The following SPAG16 variants were observed in gnomAD, a reference collection of about 807,000 sequenced individuals.
SPAG16 encodes the protein sperm-associated antigen 16 protein.
In SPAG16, 86 loss-of-function variants were observed where a neutral mutation model predicts 80.4. The observed-to-expected ratio is 1.07, with a 90% CI of 0.90 to 1.28. The LOEUF (loss-of-function observed/expected upper bound fraction) is 1.28, where lower values mean the gene tolerates loss of function less well. Ranked by LOEUF, SPAG16 falls within the 50% of genes most tolerant of loss-of-function variation. The pLI is 0.00. For synonymous variants in SPAG16, 294 were observed against 265.9 expected (o/e 1.11, Z -1.03); for missense variants, 870 against 765.3 (o/e 1.14, Z -1.61).
chr2:214,019,104 G>C (rs780208639), intron 13 of SPAG16, among the ~76,000 whole-genome samples: 2 of 152,106 alleles, frequency 1.3e-5, no homozygotes, highest in Non-Finnish European at 2.9e-5. Flanking sequence ...TGAAAGATAA[G>C]ATTGCTTTAT....
chr2:214,137,806 A>G (rs1183778352), intron 14 of SPAG16, among the ~76,000 whole-genome samples: 1 of 10,094 alleles, frequency 9.9e-5, no homozygotes, highest in East Asian at 3.0e-3. Context: ...AGCATATGTC[A>G]TGGCAAAAAC....
intron 15 of SPAG16, among the ~76,000 whole-genome samples, chr2:214,401,841 A>G (rs1346108653): frequency 1.3e-5 from 2 of 152,012 alleles, no homozygotes; most frequent in Non-Finnish European, 1.5e-5. Flanking sequence ...TGAATTTTGT[A>G]ACCTTTTTGC....
In SPAG16 at chr2:213,720,472, A is replaced by G. The variant is rs1387613655; in HGVS notation, c.1071-142013A>G. The stretch of plus-strand genomic sequence containing the variant: ...GAAACCCCATCTCTACTAAAAATAC[A>G]AAAAAAAAAAAAAAAATTAGCTGGG... On this transcript the variant is annotated intron_variant, in intron 10 of 15. Transcript: ENST00000331683. 2.8e-3 allele frequency among the ~76,000 whole-genome samples: 10 copies of G among 3,520 alleles called. 1 individual carries two copies. Among genetic ancestry groups the G allele is most frequent in the African/African-American group, 3.0e-3 (10 of 3,380 alleles). The allele number at this position is 3,520 out of a possible 152,430, so 2.3% of individuals were successfully genotyped here.
At chr2:213,617,083 A>G (rs2061621714) in intron 10 of SPAG16, among the ~76,000 whole-genome samples, 1 of 152,188 alleles carries the variant, frequency 6.6e-6, no homozygotes, top group Non-Finnish European at 1.5e-5. Context: ...TTGAATAGGG[A>G]AAAGATAAGT....
intron 15 of SPAG16, among the ~76,000 whole-genome samples, chr2:214,349,077 T>C (rs1698241564): frequency 1.3e-5 from 2 of 152,192 alleles, no homozygotes; most frequent in Admixed American, 1.3e-4. Context: ...CCCACTTTAT[T>C]ATTATTCAAT....
At chr2:214,238,001 A>G in intron 15 of SPAG16, 1 of 264,442 alleles carries the variant, frequency 3.8e-6, no homozygotes, top group South Asian at 3.6e-5. Flanking sequence ...ATCTAATTCT[A>G]AAACAAACAT....
At chr2:214,402,078 G>A (rs1001601164) in intron 15 of SPAG16, among the ~76,000 whole-genome samples, 1 of 151,854 alleles carries the variant, frequency 6.6e-6, no homozygotes, top group African/African-American at 2.4e-5. Context: ...CAATTAAAGA[G>A]TCCCCCAAGG....
At chr2:214,204,013 C>T (rs944661588) in intron 15 of SPAG16, among the ~76,000 whole-genome samples, 9 of 152,270 alleles carry the variant, frequency 5.9e-5, no homozygotes, top group East Asian at 3.9e-4. Flanking sequence ...TGAGACCAGC[C>T]TTTTGGGCTG....
At chr2:214,118,930 T>G (rs1424789944) in intron 14 of SPAG16, among the ~76,000 whole-genome samples, 1 of 152,152 alleles carries the variant, frequency 6.6e-6, no homozygotes, top group African/African-American at 2.4e-5. Flanking sequence ...ACTGGAGGTA[T>G]CATACTACCT....
chr2:214,099,864 A>C (rs1168219179), intron 13 of SPAG16, among the ~76,000 whole-genome samples: 1 of 152,130 alleles, frequency 6.6e-6, no homozygotes, highest in African/African-American at 2.4e-5. Context: ...CAATCTGAAT[A>C]ACAATTACAC....
intron 8 of SPAG16, among the ~76,000 whole-genome samples, chr2:213,370,919 C>T (rs1337276100): frequency 1.3e-5 from 2 of 152,120 alleles, no homozygotes; most frequent in Admixed American, 6.5e-5. Flanking sequence ...GTTATGTATC[C>T]CAACTATCTA....
At chr2:213,307,952 A>G (rs1263113513) in intron 3 of SPAG16, among the ~76,000 whole-genome samples, 4 of 152,158 alleles carry the variant, frequency 2.6e-5, no homozygotes, top group South Asian at 4.1e-4. Flanking sequence ...CCATGTAAAC[A>G]TTCTGTGCAT....
At chr2:214,103,565 G>A (rs2125386286) in intron 13 of SPAG16, among the ~76,000 whole-genome samples, 2 of 152,320 alleles carry the variant, frequency 1.3e-5, no homozygotes, top group East Asian at 3.9e-4. Flanking sequence ...ATAAGGACAT[G>A]TGTATATCTA....
At chr2:214,047,472 G>A (rs1280741923) in intron 13 of SPAG16, among the ~76,000 whole-genome samples, 4 of 152,078 alleles carry the variant, frequency 2.6e-5, no homozygotes, top group Non-Finnish European at 4.4e-5. Context: ...AATGTTGCTG[G>A]AAAAGCAGGA....
At chr2:213,963,186 T>C (rs6757132) in intron 12 of SPAG16, among the ~76,000 whole-genome samples, 110,381 of 151,256 alleles carry the variant, frequency 0.73, 40,527 homozygotes, top group South Asian at 0.86. Context: ...CATAAACTTC[T>C]ATCTGAGCAC....
At chr2:213,359,751 C>CTGCTT (rs2065873894) in intron 7 of SPAG16, among the ~76,000 whole-genome samples, 1 of 152,174 alleles carries the variant, frequency 6.6e-6, no homozygotes. Context: ...ACGCCCTGCC[C>CTGCTT]TGCTTCAGCT....
intron 9 of SPAG16, among the ~76,000 whole-genome samples, chr2:213,450,175 A>G (rs898582156): frequency 6.6e-6 from 1 of 152,178 alleles, no homozygotes; most frequent in Non-Finnish European, 1.5e-5. Flanking sequence ...ATGGTGGTGC[A>G]TGCCTGTAAT....
In SPAG16 at chr2:213,733,783, G is replaced by A. The variant is rs530691916; in HGVS notation, c.1071-128702G>A. 2.1e-3 allele frequency among the ~76,000 whole-genome samples: 312 copies of A among 152,170 alleles called. 2 individuals carry two copies. Among genetic ancestry groups the A allele is most frequent in the African/African-American group, 7.3e-3 (303 of 41,524 alleles). On this transcript the variant is annotated intron_variant, in intron 10 of 15. Coordinates refer to ENST00000331683, the MANE Select transcript of SPAG16 (RefSeq NM_024532.5). ...TCTCCAGATTTAAGGGTGATGGTTT[G>A]CCTAGTGACTTCAGTTCTCTGATAG... is the stretch of plus-strand genomic sequence containing the variant.
intron 15 of SPAG16, among the ~76,000 whole-genome samples, chr2:214,246,424 A>G (rs1576586616): frequency 1.3e-5 from 2 of 152,220 alleles, no homozygotes; most frequent in South Asian, 2.1e-4. Context: ...CCTTGTTACT[A>G]ATAGAATTGA....
Sources: allele counts gnomAD v4.1 joint callset (sites outside exome capture counted in the v4.1 genomes callset), GRCh38; gene constraint gnomAD v4.1.1; transcripts MANE v1.5; gene names NCBI Gene and HGNC (gene_info 2026-07-23, HGNC 2026-07-21).